The following USP25 variants were observed in gnomAD, a reference collection of about 807,000 sequenced individuals.
USP25 encodes the protein ubiquitin specific peptidase 25.
USP25 carries 85 observed loss-of-function variants against 158.5 expected under a neutral mutation model. That is an observed-to-expected ratio of 0.54 (90% CI 0.45 to 0.64). The LOEUF (loss-of-function observed/expected upper bound fraction) is 0.64. Ranked by LOEUF, USP25 falls within the 30% of genes least tolerant of loss-of-function variation. The pLI is 0.00. For synonymous variants in USP25, 464 were observed against 460.4 expected (o/e 1.01, Z -0.10); for missense variants, 1,242 against 1,327.3 (o/e 0.94, Z 1.00).
Position 15,824,169 on chromosome 21 carries a change from A to ATGGTTTGATATACTGCATGACT in USP25, c.1208+5_1208+26dup. 1 of 1,611,260 alleles carries ATGGTTTGATATACTGCATGACT rather than the reference A, an allele frequency of 6.2e-7. No homozygotes were observed. The highest frequency in any genetic ancestry group is 8.5e-7 in the Non-Finnish European group (1 of 1,179,606). On this transcript the variant is annotated splice_donor_region_variant and intron_variant, in intron 11 of 25. Transcript: ENST00000400183. ...CCCCAAGTTTTATATTTGGACAGGTATGGTTTGATATACTGCATGACTTAG... is the reference window on the plus strand; with the variant it reads ...CCCCAAGTTTTATATTTGGACAGGTATGGTTTGATATACTGCATGACTTGGTTTGATATACTGCATGACTTAG...
chr21:15,866,688 A>G lies in USP25; in HGVS notation c.2805+344A>G, dbSNP rs77244736. ...AAATCAACTTAGAAATTGCTGTTACATAATACCAACAAGTAATATTTATCA... is the reference window on the plus strand; with the variant it reads ...AAATCAACTTAGAAATTGCTGTTACGTAATACCAACAAGTAATATTTATCA... On this transcript the variant is annotated intron_variant, in intron 22 of 25. Coordinates refer to ENST00000400183, the MANE Select transcript of USP25 (RefSeq NM_001283041.3). Among the ~76,000 whole-genome samples the G allele has an allele frequency of 8.2e-3, 1,250 of 152,266 alleles. 13 individuals carry two copies. The highest frequency in any genetic ancestry group is 0.026 in the African/African-American group (1,077 of 41,576).
At chr21:15,734,538 A>G (rs1167356552) in intron 1 of USP25, among the ~76,000 whole-genome samples, 2 of 152,124 alleles carry the variant, frequency 1.3e-5, no homozygotes, top group African/African-American at 4.8e-5. Context: ...CATTGTATCC[A>G]GTCTTTTAAA....
At position 15,878,738 on chromosome 21, in the gene USP25, C is replaced by A; in HGVS notation, c.*263C>A. 1 of 346,516 alleles carries A rather than the reference C, an allele frequency of 2.9e-6. No individual in the cohort carries two copies. The highest frequency in any genetic ancestry group is 5.2e-6 in the Non-Finnish European group (1 of 191,982). The allele number at this position is 346,516 out of a possible 1,614,324, so 21.5% of individuals were successfully genotyped here. ...TATTATGGCAAAACTATGCTTTTGC[C>A]ACCTTCCTGTTGCAGTATTACTTTG... On this transcript the variant is annotated 3_prime_UTR_variant, in exon 26 of 26. Transcript: ENST00000400183.
At position 15,878,347 on chromosome 21, in the gene USP25, G is replaced by A; in HGVS notation, c.3250G>A (p.Asp1084Asn). ...KLTDFLPKLL[D>N]CSMEIKSFHE... ...GACAGATTTTTTGCCAAAACTGCTTGATTGTTCTATGGAGATTAAAAGTTT... is the reference window on the plus strand; with the variant it reads ...GACAGATTTTTTGCCAAAACTGCTTAATTGTTCTATGGAGATTAAAAGTTT... The change falls in exon 26 of 26, where the codon GAT becomes AAT. Residue 1084 changes from aspartate (D) to asparagine (N), a missense_variant. Physicochemically the swap from Asp to Asn is conservative, Grantham distance 23. This residue lies in a region of USP25 where 608 missense variants were observed against 605.2 expected (regional missense o/e 1.00). Coordinates refer to ENST00000400183, the MANE Select transcript of USP25 (RefSeq NM_001283041.3). 6.2e-7 allele frequency: 1 copy of A among 1,612,914 alleles called. No individual in the cohort carries two copies. The highest frequency in any genetic ancestry group is 8.5e-7 in the Non-Finnish European group (1 of 1,179,422).
intron 1 of USP25, among the ~76,000 whole-genome samples, chr21:15,730,794 T>C (rs1344615857): frequency 1.3e-5 from 2 of 152,172 alleles, no homozygotes; most frequent in East Asian, 1.9e-4. Context: ...TCATCCTTTC[T>C]GAACCGATTT....
chr21:15,761,782 G>C (rs1334039935), intron 1 of USP25, among the ~76,000 whole-genome samples: 1 of 152,104 alleles, frequency 6.6e-6, no homozygotes, highest in African/African-American at 2.4e-5. Context: ...CTTTCAAGTT[G>C]CCCGCTTGGC....
intron 5 of USP25, among the ~76,000 whole-genome samples, chr21:15,792,722 T>G (rs2035657724): frequency 6.6e-6 from 1 of 151,562 alleles, no homozygotes; most frequent in South Asian, 2.1e-4. Context: ...ATTTTCACCG[T>G]TTTCTCCCTT....
chr21:15,791,193 A>G (rs2035571081), intron 4 of USP25, among the ~76,000 whole-genome samples: 1 of 151,878 alleles, frequency 6.6e-6, no homozygotes, highest in East Asian at 1.9e-4. Flanking sequence ...TTTCTCAGAA[A>G]ATTCATCTAG....
chr21:15,851,953 A>C (rs899126358), intron 20 of USP25, among the ~76,000 whole-genome samples: 6 of 151,838 alleles, frequency 4.0e-5, no homozygotes, highest in Admixed American at 1.3e-4. Context: ...TTGCTCTATG[A>C]TTTTGATAGT....
chr21:15,870,015 AG>A, intron 22 of USP25, 52 bp from the exon 23 acceptor site: 1 of 1,358,254 alleles, frequency 7.4e-7, no homozygotes. Context: ...ACAGTTTCAT[AG>A]TACTTTTTAA....
chr21:15,734,522 GACT>G (rs948676547), intron 1 of USP25, among the ~76,000 whole-genome samples: 2 of 151,944 alleles, frequency 1.3e-5, no homozygotes, highest in African/African-American at 4.8e-5. Flanking sequence ...TTGACTTGTA[GACT>G]CACATTGTAT....
At chr21:15,855,773 A>G (rs942317562) in intron 20 of USP25, among the ~76,000 whole-genome samples, 14 of 152,240 alleles carry the variant, frequency 9.2e-5, no homozygotes, top group African/African-American at 3.4e-4. Flanking sequence ...GCCAAGAGGT[A>G]GAACAGGAGT....
chr21:15,777,956 C>T lies in USP25; in HGVS notation c.321C>T (p.Ala107=), dbSNP rs2034752108. ...AAGATGATCTTCAGAGAGCAATTGCCTTGAGTTTGGCCGAATCAAACAGGG... is the reference window on the plus strand; with the variant it reads ...AAGATGATCTTCAGAGAGCAATTGCTTTGAGTTTGGCCGAATCAAACAGGG... ...DDKDDLQRAI[A]LSLAESNRAF... Residue 107 remains alanine (A), a synonymous_variant, in exon 4 of 26, where the codon GCC becomes GCT. Transcript: ENST00000400183. The T allele has an allele frequency of 6.2e-7, 1 of 1,611,848 alleles. No individual in the cohort carries two copies. Among genetic ancestry groups the T allele is most frequent in the Admixed American group, 1.7e-5 (1 of 59,526 alleles).
intron 20 of USP25, among the ~76,000 whole-genome samples, chr21:15,855,703 A>T (rs1332766181): frequency 3.9e-5 from 6 of 152,138 alleles, no homozygotes; most frequent in African/African-American, 7.2e-5. Flanking sequence ...AGGCTCTCAG[A>T]CTTGTACTTC....
chr21:15,848,217 G>A (rs2038719093), intron 19 of USP25, among the ~76,000 whole-genome samples: 2 of 152,036 alleles, frequency 1.3e-5, no homozygotes, highest in African/African-American at 4.8e-5. Flanking sequence ...TGATATTTTT[G>A]CTTCTACAGC....
intron 22 of USP25, 118 bp downstream of exon 22, chr21:15,866,462 A>G (rs2039665486): frequency 1.7e-6 from 1 of 605,956 alleles, no homozygotes; most frequent in African/African-American, 1.9e-5. Flanking sequence ...TAAAAAAATT[A>G]AGTTTCCAAG....
intron 1 of USP25, among the ~76,000 whole-genome samples, chr21:15,738,844 A>G (rs538852557): frequency 1.2e-4 from 19 of 152,306 alleles, no homozygotes; most frequent in Admixed American, 4.6e-4. Context: ...TATGTTATCT[A>G]TAGATTACAG....
intron 1 of USP25, among the ~76,000 whole-genome samples, chr21:15,760,911 C>G (rs2033684173): frequency 6.6e-6 from 1 of 152,182 alleles, no homozygotes; most frequent in Non-Finnish European, 1.5e-5. Flanking sequence ...AATGTCATTA[C>G]TAAGCTGTGC....
chr21:15,799,245 A>C (rs2036012002), intron 5 of USP25, among the ~76,000 whole-genome samples: 1 of 151,294 alleles, frequency 6.6e-6, no homozygotes, highest in Non-Finnish European at 1.5e-5. Context: ...TTATCACTGC[A>C]TCTTGAAGTC....
Sources: gnomAD v4.1 joint callset for allele counts (sites outside exome capture counted in the v4.1 genomes callset) on GRCh38, gnomAD v4.1.1 for gene constraint, gnomAD v4.1.1 regional missense constraint, MANE v1.5 for transcripts, NCBI Gene and HGNC (gene_info 2026-07-23, HGNC 2026-07-21) for gene names.